FUT2: variants seen among roughly 807,000 people sequenced by gnomAD.
The protein encoded by FUT2 is fucosyltransferase 2 (H blood group).
For synonymous variants in FUT2, 182 were observed against 193.1 expected, an observed-to-expected ratio of 0.94 and a Z score of 0.48; for missense variants, 419 against 465.8, an observed-to-expected ratio of 0.90 and a Z score of 0.93.
rs1047469408 is a variant in FUT2 at position 48,705,882 on chromosome 19, C to T, written c.*1894C>T. 1.2e-5 allele frequency: 2 copies of T among 166,334 alleles called. No individual in the cohort carries two copies. The highest frequency in any genetic ancestry group is 4.8e-5 in the African/African-American group (2 of 41,274). 10.3% of individuals were successfully genotyped at this position (166,334 alleles called of 1,614,324 possible). A position where few individuals can be genotyped will look rare whatever the true frequency, so the allele number is the denominator to read the frequency against. ...AATAGCCACTGCACTGCGGCCTGGA[C>T]GACGTAGTGATACCCTGACTCTTAT... On this transcript the variant is annotated 3_prime_UTR_variant, in exon 2 of 2. Transcript: ENST00000425340.
Position 48,704,018 on chromosome 19 carries a change from C to T in FUT2, c.*30C>T. The T allele has an allele frequency of 6.3e-7, 1 of 1,594,690 alleles. No homozygotes were observed. On this transcript the variant is annotated 3_prime_UTR_variant, in exon 2 of 2. Coordinates refer to ENST00000425340, the MANE Select transcript of FUT2 (RefSeq NM_000511.6). ...GGCCCATTCTTTGAGACCTTTTCTC[C>T]TTCTCTGCCTCCCTCAAGATGAGTG... is the stretch of plus-strand genomic sequence containing the variant.
In FUT2 at chr19:48,703,927, C is replaced by T. The variant is rs928595878; in HGVS notation, c.971C>T (p.Ala324Val). 2.2e-5 allele frequency: 36 copies of T among 1,613,478 alleles called. No individual in the cohort carries two copies. Among genetic ancestry groups the T allele is most frequent in the Non-Finnish European group, 2.8e-5 (33 of 1,180,004 alleles). ...SPFLKIFKPE[A>V]AFLPEWTGIA... is the part of the protein sequence containing the mutation. ...TTCCTCAAAATCTTTAAGCCAGAGGCAGCCTTCCTGCCGGAGTGGACAGGG... is the reference window on the plus strand; with the variant it reads ...TTCCTCAAAATCTTTAAGCCAGAGGTAGCCTTCCTGCCGGAGTGGACAGGG... Residue 324 changes from alanine to valine, a missense_variant, in exon 2 of 2, where the codon GCA (alanine) becomes GTA (valine). Physicochemically the swap from Ala to Val is moderately conservative, Grantham distance 64. Coordinates refer to ENST00000425340, the MANE Select transcript of FUT2 (RefSeq NM_000511.6).
chr19:48,704,010 C>T lies in FUT2; in HGVS notation c.*22C>T. On this transcript the variant is annotated 3_prime_UTR_variant, in exon 2 of 2. Transcript: ENST00000425340. Reference sequence around the variant, plus strand: ...CTAATGCTGGCCCATTCTTTGAGACCTTTTCTCCTTCTCTGCCTCCCTCAA... The same window carrying T: ...CTAATGCTGGCCCATTCTTTGAGACTTTTTCTCCTTCTCTGCCTCCCTCAA... 6.2e-7 allele frequency: 1 copy of T among 1,605,660 alleles called. No homozygotes were observed.
At position 48,703,807 on chromosome 19, in the gene FUT2, C is replaced by A. The variant is rs371279676; in HGVS notation, c.851C>A (p.Thr284Asn). The A allele has an allele frequency of 2.5e-6, 4 of 1,613,652 alleles. No individual in the cohort carries two copies. The East Asian group carries it at 6.7e-5, about 27-fold the overall frequency. Residue 284 changes from threonine (T) to asparagine (N), a missense_variant, in exon 2 of 2, where the codon ACC (threonine) becomes AAC (asparagine). Physicochemically the swap from Thr to Asn is moderately conservative, Grantham distance 65. Coordinates refer to ENST00000425340, the MANE Select transcript of FUT2 (RefSeq NM_000511.6). ...DFALLTQCNHTIMTIGTFGIW... is the reference protein window; with the variant it reads ...DFALLTQCNHNIMTIGTFGIW... ...GCTCTACTCACACAGTGTAACCACACCATCATGACCATTGGGACGTTCGGG... is the reference window on the plus strand; with the variant it reads ...GCTCTACTCACACAGTGTAACCACAACATCATGACCATTGGGACGTTCGGG...
At chr19:48,696,896 T>A (rs886422948) in intron 1 of FUT2, among the ~76,000 whole-genome samples, 1 of 151,778 alleles carries the variant, frequency 6.6e-6, no homozygotes, top group African/African-American at 2.4e-5. Flanking sequence ...GAACAGCTGG[T>A]GACAAAGCCG....
Position 48,701,642 on chromosome 19 carries a change from A to G in FUT2, c.-2-1313A>G, listed in dbSNP as rs2032519135. ...CCTTCAAAGTGGATACAGGCAGGAC[A>G]TGCAAAGATGAATATCTCTGGCACT... is the stretch of plus-strand genomic sequence containing the variant. On this transcript the variant is annotated intron_variant, in intron 1 of 1. Transcript: ENST00000425340. Among the ~76,000 whole-genome samples, 3 of 152,038 alleles carry G rather than the reference A, an allele frequency of 2.0e-5. 1 individual carries two copies. The South Asian group carries it at 6.3e-4, about 32-fold the overall frequency.
chr19:48,701,119 C>G (rs2032508697), intron 1 of FUT2, among the ~76,000 whole-genome samples: 1 of 151,980 alleles, frequency 6.6e-6, no homozygotes, highest in Non-Finnish European at 1.5e-5. Context: ...GGCATTGTGT[C>G]CACCCAGAGA....
rs71179033 is a variant in FUT2 at position 48,697,345 on chromosome 19, C to CAA, written c.-3+1278_-3+1279dup. ...GGGGAACAAGAGCAAAACTCCGTCT[C>CAA]AAAAAAAAAAAAAAAAAAAAAAATC... On this transcript the variant is annotated intron_variant, in intron 1 of 1. Transcript: ENST00000425340. 0.022 allele frequency among the ~76,000 whole-genome samples: 2,183 copies of CAA among 97,938 alleles called. 204 individuals are homozygous for CAA. In the East Asian group the frequency reaches 0.43, roughly 19 times the overall value. 64.3% of individuals were successfully genotyped at this position (97,938 alleles called of 152,430 possible).
intron 1 of FUT2, among the ~76,000 whole-genome samples, chr19:48,697,679 AG>A (rs1336628285): frequency 6.6e-6 from 1 of 151,808 alleles, no homozygotes; most frequent in Non-Finnish European, 1.5e-5. Context: ...GCCCTAAGGG[AG>A]GTGTGGTTTG....
intron 1 of FUT2, among the ~76,000 whole-genome samples, chr19:48,698,411 C>A (rs1353939189): frequency 6.6e-6 from 1 of 151,824 alleles, no homozygotes. Context: ...CAGGGACATC[C>A]GTGTAGAACA....
At position 48,703,858 on chromosome 19, in the gene FUT2, G is replaced by T; in HGVS notation, c.902G>T (p.Gly301Val). 1 of 1,613,546 alleles carries T rather than the reference G, an allele frequency of 6.2e-7. No individual in the cohort carries two copies. Among genetic ancestry groups the T allele is most frequent in the Non-Finnish European group, 8.5e-7 (1 of 1,180,008 alleles). Residue 301 changes from glycine (G) to valine (V), a missense_variant, in exon 2 of 2, where the codon GGA becomes GTA. Transcript: ENST00000425340. ...FGIWAAYLTG[G>V]DTIYLANYTL... is the part of the protein sequence containing the mutation. ...ATCTGGGCCGCATACCTCACGGGCG[G>T]AGACACCATCTACCTGGCCAATTAC... is the stretch of plus-strand genomic sequence containing the variant.
rs1306695312 is a variant in FUT2, at chr19:48,705,693, T to C, written c.*1705T>C. On this transcript the variant is annotated 3_prime_UTR_variant, in exon 2 of 2. Transcript: ENST00000425340. ...CACAGCAGCCTTCCCTCTCAGAGGATACATTTGTAACCATTACACAGTCAT... is the reference window on the plus strand; with the variant it reads ...CACAGCAGCCTTCCCTCTCAGAGGACACATTTGTAACCATTACACAGTCAT... 1 of 167,134 alleles carries C rather than the reference T, an allele frequency of 6.0e-6. No homozygotes were observed. Among genetic ancestry groups the C allele is most frequent in the Non-Finnish European group, 1.5e-5 (1 of 68,138 alleles). 10.4% of individuals were successfully genotyped at this position (167,134 alleles called of 1,614,324 possible). A position where few individuals can be genotyped will look rare whatever the true frequency, so the allele number is the denominator to read the frequency against.
chr19:48,697,993 C>CTTTTTTT (rs1023815002), intron 1 of FUT2, among the ~76,000 whole-genome samples: 9 of 88,140 alleles, frequency 1.0e-4, no homozygotes, highest in Non-Finnish European at 1.7e-4. Context: ...TGCACTGGCT[C>CTTTTTTT]TTTTTTTTTT....
chr19:48,697,797 C>T lies in FUT2; in HGVS notation c.-3+1708C>T, dbSNP rs553321225. On this transcript the variant is annotated intron_variant, in intron 1 of 1. Transcript: ENST00000425340. Reference sequence around the variant, plus strand: ...GCAACCTCCGCCTCCCAGGTTCAAGCGATTCTCCTTCCTCAGCCTCCCAAG... The same window carrying T: ...GCAACCTCCGCCTCCCAGGTTCAAGTGATTCTCCTTCCTCAGCCTCCCAAG... Among the ~76,000 whole-genome samples, 42 of 151,960 alleles carry T rather than the reference C, an allele frequency of 2.8e-4. 2 individuals carry two copies. The South Asian group carries it at 6.6e-3, about 24-fold the overall frequency.
intron 1 of FUT2, among the ~76,000 whole-genome samples, chr19:48,701,888 G>A (rs2032523906): frequency 6.6e-6 from 1 of 151,882 alleles, no homozygotes; most frequent in Non-Finnish European, 1.5e-5. Flanking sequence ...AGCTACTCAG[G>A]AGGCTGAGAC....
At chr19:48,701,401 G>T (rs1377594830) in intron 1 of FUT2, among the ~76,000 whole-genome samples, 2 of 151,842 alleles carry the variant, frequency 1.3e-5, no homozygotes, top group Non-Finnish European at 2.9e-5. Context: ...TTGGTCTCCA[G>T]CTCCTGACCT....
In FUT2 at chr19:48,704,285, G is replaced by A; in HGVS notation, c.*297G>A. ...AAAAATACAAAAATTAGCCAGGCGT[G>A]GTGGTGCACACCTGTAATCCCAGCT... On this transcript the variant is annotated 3_prime_UTR_variant, in exon 2 of 2. Transcript: ENST00000425340. 5 of 444,642 alleles carry A rather than the reference G, an allele frequency of 1.1e-5. No homozygotes were observed. The highest frequency in any genetic ancestry group is 4.2e-5 in the South Asian group (2 of 47,106). The allele number at this position is 444,642 out of a possible 1,614,324, so 27.5% of individuals were successfully genotyped here. A position where few individuals can be genotyped will look rare whatever the true frequency, so the allele number is the denominator to read the frequency against.
intron 1 of FUT2, among the ~76,000 whole-genome samples, chr19:48,701,471 G>A (rs2032515952): frequency 6.7e-6 from 1 of 150,176 alleles, no homozygotes; most frequent in African/African-American, 2.4e-5. Context: ...GAGCCACCGC[G>A]CCCGGCCACA....
At chr19:48,699,949 T>C (rs1452561594) in intron 1 of FUT2, among the ~76,000 whole-genome samples, 1 of 150,290 alleles carries the variant, frequency 6.7e-6, no homozygotes, top group Non-Finnish European at 1.5e-5. Flanking sequence ...AGGTCAGGAG[T>C]TTGAGACCAG....
Sources: allele counts gnomAD v4.1 joint callset (sites outside exome capture counted in the v4.1 genomes callset), GRCh38; gene constraint gnomAD v4.1.1; transcripts MANE v1.5; gene names NCBI Gene and HGNC (gene_info 2026-07-23, HGNC 2026-07-21).